MPRIP: variants seen among roughly 807,000 people sequenced by gnomAD.
The protein encoded by MPRIP is myosin phosphatase Rho interacting protein.
A neutral mutation model predicts 234.9 loss-of-function variants in MPRIP; 59 were observed. The ratio of observed to expected loss-of-function variants is 0.25; its 90% CI spans 0.20 to 0.31. The LOEUF is 0.31. Ranked by LOEUF, MPRIP falls within the 10% of genes least tolerant of loss-of-function variation. The probability of loss-of-function intolerance (pLI) is 1.00; values close to 1 mark genes in which losing one functional copy is unlikely to be tolerated. For synonymous variants in MPRIP, 1,144 were observed against 1,263.9 expected (o/e 0.91, Z 2.01); for missense variants, 2,436 against 3,071.0 (o/e 0.79, Z 4.89).
At chr17:17,168,081 G>A (rs2046044365) in intron 16 of MPRIP, 166 bp downstream of exon 16, 8 of 511,432 alleles carry the variant, frequency 1.6e-5, no homozygotes, top group South Asian at 1.2e-4. Context: ...CGCAGGCTTA[G>A]CCTCTTGTTC....
intron 23 of MPRIP, chr17:17,181,676 A>G (rs1057193089): frequency 1.3e-5 from 2 of 152,222 alleles, no homozygotes; most frequent in African/African-American, 4.8e-5. Context: ...AGTATCTTTG[A>G]GCTTTTCTTG....
intron 1 of MPRIP, among the ~76,000 whole-genome samples, chr17:17,052,381 C>T (rs2088568487): frequency 6.6e-6 from 1 of 152,144 alleles, no homozygotes; most frequent in South Asian, 2.1e-4. Context: ...AGTTCCTAGC[C>T]CTGGGAAGAG....
At chr17:17,155,296 A>T (rs1388107508) in intron 13 of MPRIP, among the ~76,000 whole-genome samples, 2 of 150,222 alleles carry the variant, frequency 1.3e-5, no homozygotes, top group African/African-American at 4.9e-5. Flanking sequence ...TCTGTTGCCT[A>T]GGCTAGAGTG....
At chr17:17,177,925 AT>A (rs35154903) in intron 22 of MPRIP, among the ~76,000 whole-genome samples, 64,775 of 127,106 alleles carry the variant, frequency 0.51, 15,019 homozygotes, top group East Asian at 0.62. Flanking sequence ...CTCATACGTA[AT>A]TTTTTTTTTT....
chr17:17,078,897 G>A lies in MPRIP; in HGVS notation c.267+821G>A, dbSNP rs2089398044. Among the ~76,000 whole-genome samples the A allele has an allele frequency of 6.6e-6, 1 of 152,154 alleles. No individual in the cohort carries two copies. The highest frequency in any genetic ancestry group is 2.1e-4 in the South Asian group (1 of 4,824). The stretch of plus-strand genomic sequence containing the variant: ...TGGGTGAATGTTTGTGTGCCCATAT[G>A]TGCAGCATTTTAAAATTGGGACTGT... On this transcript the variant is annotated intron_variant, in intron 3 of 23. Transcript: ENST00000651222. This position sits in a 1 kb window ranked among gnomAD's most constrained non-coding sequence, Gnocchi z 4.3.
At position 17,069,331 on chromosome 17, in the gene MPRIP, A is replaced by AT. The variant is rs1473215827; in HGVS notation, c.124-6373dup. 9.9e-5 allele frequency among the ~76,000 whole-genome samples: 15 copies of AT among 152,168 alleles called. No individual in the cohort carries two copies. The East Asian group carries it at 2.9e-3, about 29-fold the overall frequency. ...CCTGTCATCATTATATTTGCAGTGA[A>AT]TTTTTTGTAGACAGTGTACAGTTGA... On this transcript the variant is annotated intron_variant, in intron 1 of 23. Coordinates refer to ENST00000651222, the MANE Select transcript of MPRIP (RefSeq NM_001364716.4).
chr17:17,099,498 G>C (rs1045730570), intron 3 of MPRIP, among the ~76,000 whole-genome samples: 3 of 152,198 alleles, frequency 2.0e-5, no homozygotes, highest in Non-Finnish European at 4.4e-5. Flanking sequence ...GGCCAAAGTG[G>C]GAGAGTCAGT....
At chr17:17,054,510 A>G (rs2088635013) in intron 1 of MPRIP, among the ~76,000 whole-genome samples, 1 of 152,030 alleles carries the variant, frequency 6.6e-6, no homozygotes, top group African/African-American at 2.4e-5. Context: ...CACAGGACAC[A>G]CTTGCACCCA....
Position 17,145,945 on chromosome 17 carries a change from C to T in MPRIP, c.1504-91C>T, listed in dbSNP as rs553847406. 53 of 1,253,960 alleles carry T rather than the reference C, an allele frequency of 4.2e-5. No individual in the cohort carries two copies. The Admixed American group carries it at 4.3e-4, about 10-fold the overall frequency. The allele number at this position is 1,253,960 out of a possible 1,614,324, so 77.7% of individuals were successfully genotyped here. ...GTGGAGAAACCCCTTTCCTGGTACC[C>T]GCCTCATCTGGACAGAAATACTGGC... On this transcript the variant is annotated intron_variant, in intron 9 of 23. Transcript: ENST00000651222.
chr17:17,166,128 G>A lies in MPRIP; in HGVS notation c.4537G>A (p.Val1513Ile), dbSNP rs776513157. The A allele has an allele frequency of 6.6e-5, 86 of 1,301,530 alleles. 1 individual carries two copies. The highest frequency in any genetic ancestry group is 6.4e-4 in the Middle Eastern group (3 of 4,694). 80.6% of individuals were successfully genotyped at this position (1,301,530 alleles called of 1,614,324 possible). A position where few individuals can be genotyped will look rare whatever the true frequency, so the allele number is the denominator to read the frequency against. Reference sequence around the variant, plus strand: ...CCTGGCCAGTGTGGAGAGTGCACTCGTCAGCGCCATCCAAGCCCTGCAGCA... The same window carrying A: ...CCTGGCCAGTGTGGAGAGTGCACTCATCAGCGCCATCCAAGCCCTGCAGCA... ...ASLASVESAL[V>I]SAIQALQHWP... Residue 1513 changes from valine (V) to isoleucine (I), a missense_variant, in exon 16 of 24, where the codon GTC (valine) becomes ATC (isoleucine). Val to Ile is a conservative substitution (Grantham distance 29). Coordinates refer to ENST00000651222, the MANE Select transcript of MPRIP (RefSeq NM_001364716.4). This position sits in a 1 kb window ranked among gnomAD's most constrained non-coding sequence, Gnocchi z 4.4.
At chr17:17,071,583 A>G (rs2089195880) in intron 1 of MPRIP, among the ~76,000 whole-genome samples, 1 of 152,184 alleles carries the variant, frequency 6.6e-6, no homozygotes, top group Non-Finnish European at 1.5e-5. Context: ...CAGAAGTTTC[A>G]AGGCACTGTT....
intron 3 of MPRIP, among the ~76,000 whole-genome samples, chr17:17,126,118 G>A (rs1275179784): frequency 1.3e-5 from 2 of 152,156 alleles, no homozygotes; most frequent in African/African-American, 2.4e-5. Context: ...AGTTTTTGCT[G>A]TAAGAAAAAA....
chr17:17,101,266 G>A lies in MPRIP; in HGVS notation c.267+23190G>A, dbSNP rs559475312. ...TTAACATTTCAGTAATGTTATATCC[G>A]GATATTAAGAAAGAAAAGGCCGGGC... On this transcript the variant is annotated intron_variant, in intron 3 of 23. Transcript: ENST00000651222. Among the ~76,000 whole-genome samples the A allele has an allele frequency of 3.3e-5, 5 of 152,280 alleles. No homozygotes were observed. In the East Asian group the frequency reaches 7.7e-4, roughly 23 times the overall value.
intron 3 of MPRIP, chr17:17,096,777 C>T (rs1459356553): frequency 4.2e-6 from 2 of 471,074 alleles, no homozygotes; most frequent in Admixed American, 4.7e-5. Context: ...GATGTCTTCC[C>T]AGTGACTCTC....
At chr17:17,150,697 CAAAA>C (rs35336436) in intron 12 of MPRIP, among the ~76,000 whole-genome samples, 3 of 73,450 alleles carry the variant, frequency 4.1e-5, no homozygotes, top group African/African-American at 4.7e-5. Flanking sequence ...GCACTGTTCT[CAAAA>C]AAAAAAAAAA....
At chr17:17,079,917 A>G (rs1246945410) in intron 3 of MPRIP, among the ~76,000 whole-genome samples, 1 of 152,230 alleles carries the variant, frequency 6.6e-6, no homozygotes, top group East Asian at 1.9e-4. Flanking sequence ...GACACTTCAC[A>G]GTGCACTGTG....
intron 3 of MPRIP, among the ~76,000 whole-genome samples, chr17:17,079,286 T>G (rs2089407852): frequency 6.6e-6 from 1 of 152,216 alleles, no homozygotes; most frequent in Non-Finnish European, 1.5e-5. Flanking sequence ...TTTCATTCTT[T>G]CCGGTGAGCA....
In MPRIP at chr17:17,138,187, G is replaced by T. The variant is rs2090744402; in HGVS notation, c.1008G>T (p.Val336=). Residue 336 remains valine, a synonymous_variant, in exon 7 of 24, where the codon GTG becomes GTT. Coordinates refer to ENST00000651222, the MANE Select transcript of MPRIP (RefSeq NM_001364716.4). The surrounding 1 kb of genome is among the most constrained non-coding windows in gnomAD (Gnocchi z 5.8). ...VCSISLSSLD[V]ASQPPAYVDS... Reference sequence around the variant, plus strand: ...GCATCTCCCTCAGCTCCCTGGATGTGGCCAGCCAGCCACCTGCCTACGTGG... The same window carrying T: ...GCATCTCCCTCAGCTCCCTGGATGTTGCCAGCCAGCCACCTGCCTACGTGG... 1 of 1,010,766 alleles carries T rather than the reference G, an allele frequency of 9.9e-7. No individual in the cohort carries two copies. The highest frequency in any genetic ancestry group is 1.4e-6 in the Non-Finnish European group (1 of 705,904). The allele number at this position is 1,010,766 out of a possible 1,614,324, so 62.6% of individuals were successfully genotyped here.
chr17:17,158,051 G>C (rs1007550498), intron 13 of MPRIP, among the ~76,000 whole-genome samples: 3 of 152,178 alleles, frequency 2.0e-5, no homozygotes, highest in Non-Finnish European at 4.4e-5. Context: ...TGCCTCTGAG[G>C]CTGTGGGAGT....
Sources: gnomAD v4.1 joint callset for allele counts (sites outside exome capture counted in the v4.1 genomes callset) on GRCh38, gnomAD v4.1.1 for gene constraint, Gnocchi (gnomAD v3.1) non-coding constraint, MANE v1.5 for transcripts, NCBI Gene and HGNC (gene_info 2026-07-23, HGNC 2026-07-21) for gene names.